The following TRAPPC9 variants were observed in gnomAD, a reference collection of about 807,000 sequenced individuals.
The protein encoded by TRAPPC9 is IKK2 binding protein.
Under a neutral mutation model 124.0 loss-of-function variants are expected in TRAPPC9, and 83 were observed. That is an observed-to-expected ratio of 0.67 (90% CI 0.56 to 0.80). The LOEUF (loss-of-function observed/expected upper bound fraction) is 0.80. Among genes scored for constraint, TRAPPC9 ranks in the 30% least tolerant of loss-of-function variants. The pLI, the probability that TRAPPC9 is intolerant of heterozygous loss-of-function variation, is 0.00. For missense variants in TRAPPC9, 1,302 were observed against 1,508.3 expected (o/e 0.86, Z 2.27); for synonymous variants, 638 against 617.5 (o/e 1.03, Z -0.49).
intron 19 of TRAPPC9, among the ~76,000 whole-genome samples, chr8:139,960,995 A>C (rs1471987955): frequency 8.0e-6 from 1 of 125,310 alleles, no homozygotes; most frequent in Non-Finnish European, 1.9e-5. Flanking sequence ...AAGCAAACAA[A>C]TAACAAAACA....
chr8:140,026,792 C>G (rs1302883441), intron 17 of TRAPPC9, among the ~76,000 whole-genome samples: 1 of 152,190 alleles, frequency 6.6e-6, no homozygotes, highest in African/African-American at 2.4e-5. Context: ...TGATTCTCTC[C>G]ACCTATGTAA....
At chr8:140,125,002 G>A (rs1357042534) in intron 17 of TRAPPC9, among the ~76,000 whole-genome samples, 1 of 152,218 alleles carries the variant, frequency 6.6e-6, no homozygotes. Flanking sequence ...GGGTGTCACT[G>A]TCCCCCAACC....
chr8:139,762,811 G>C (rs139949234), intron 21 of TRAPPC9, among the ~76,000 whole-genome samples: 25 of 152,266 alleles, frequency 1.6e-4, no homozygotes, highest in African/African-American at 5.8e-4. Context: ...TCTCAGCTGC[G>C]GGACCTTCAG....
At chr8:140,152,462 G>A (rs563000350) in intron 17 of TRAPPC9, among the ~76,000 whole-genome samples, 11 of 145,316 alleles carry the variant, frequency 7.6e-5, no homozygotes, top group African/African-American at 1.5e-4. Flanking sequence ...CCAGGTTCAC[G>A]CCATTCTCCT....
chr8:140,045,355 GT>G (rs1274676290), intron 17 of TRAPPC9, among the ~76,000 whole-genome samples: 3 of 152,176 alleles, frequency 2.0e-5, no homozygotes, highest in Non-Finnish European at 2.9e-5. Flanking sequence ...GCCAGGTGCG[GT>G]GGCTCATGCC....
At chr8:140,005,413 A>C (rs916269167) in intron 18 of TRAPPC9, among the ~76,000 whole-genome samples, 3 of 152,202 alleles carry the variant, frequency 2.0e-5, no homozygotes, top group African/African-American at 7.2e-5. Context: ...GGCACCAGTC[A>C]GGGAAGGTTC....
chr8:139,783,865 A>G (rs1822000260), intron 21 of TRAPPC9, among the ~76,000 whole-genome samples: 1 of 152,232 alleles, frequency 6.6e-6, no homozygotes, highest in East Asian at 1.9e-4. Flanking sequence ...GTAATTCACC[A>G]TATTAACAAA....
intron 20 of TRAPPC9, among the ~76,000 whole-genome samples, chr8:139,900,215 G>T (rs1037568651): frequency 2.6e-5 from 4 of 152,176 alleles, no homozygotes; most frequent in Admixed American, 1.3e-4. Context: ...TGTGTGCCTG[G>T]GTCCTCACTT....
At chr8:140,183,923 A>G (rs1342069629) in intron 17 of TRAPPC9, among the ~76,000 whole-genome samples, 14 of 36,984 alleles carry the variant, frequency 3.8e-4, no homozygotes, top group Non-Finnish European at 5.6e-4. Flanking sequence ...AGAGGAGAGG[A>G]GAGGAGAGGA....
intron 17 of TRAPPC9, among the ~76,000 whole-genome samples, chr8:140,105,126 C>A (rs1042078283): frequency 1.3e-5 from 2 of 152,206 alleles, no homozygotes; most frequent in African/African-American, 4.8e-5. Flanking sequence ...CCCTTTCCAA[C>A]CCCAGCTCAT....
At chr8:139,784,633 ATATATATATAT>A (rs1563810562) in intron 21 of TRAPPC9, among the ~76,000 whole-genome samples, 1 of 143,770 alleles carries the variant, frequency 7.0e-6, no homozygotes, top group Non-Finnish European at 1.5e-5. Flanking sequence ...ATATATATAT[ATATATATATAT>A]AAATCAACTG....
chr8:140,173,328 G>A (rs1309466409), intron 17 of TRAPPC9, among the ~76,000 whole-genome samples: 1 of 152,170 alleles, frequency 6.6e-6, no homozygotes, highest in African/African-American at 2.4e-5. Context: ...GCCGAGGCAG[G>A]AGGATCACGA....
chr8:140,297,170 A>G (rs2065827442), intron 11 of TRAPPC9, among the ~76,000 whole-genome samples: 1 of 138,820 alleles, frequency 7.2e-6, no homozygotes, highest in South Asian at 2.2e-4. Flanking sequence ...CTGCCTGTTC[A>G]TCCACCACGT....
At chr8:139,751,654 C>T (rs1819314181) in intron 21 of TRAPPC9, among the ~76,000 whole-genome samples, 1 of 152,150 alleles carries the variant, frequency 6.6e-6, no homozygotes, top group Admixed American at 6.5e-5. Context: ...TCTGCCTCCA[C>T]AAACTCAAAA....
intron 17 of TRAPPC9, among the ~76,000 whole-genome samples, chr8:140,215,132 C>T (rs1258313594): frequency 6.6e-6 from 1 of 152,136 alleles, no homozygotes; most frequent in Non-Finnish European, 1.5e-5. Flanking sequence ...CCTCGACAAC[C>T]AGAAAATGCC....
intron 8 of TRAPPC9, among the ~76,000 whole-genome samples, chr8:140,370,273 G>A (rs1274381350): frequency 6.6e-6 from 1 of 151,966 alleles, no homozygotes; most frequent in African/African-American, 2.4e-5. Context: ...CTGAGTAGCT[G>A]GGACTACAAG....
At chr8:140,185,288 G>A (rs1345623572) in intron 17 of TRAPPC9, among the ~76,000 whole-genome samples, 1 of 152,206 alleles carries the variant, frequency 6.6e-6, no homozygotes, top group Non-Finnish European at 1.5e-5. Flanking sequence ...CGCACGTGGA[G>A]TCAGAGAACT....
At chr8:140,441,508 T>A (rs1182550129) in intron 2 of TRAPPC9, among the ~76,000 whole-genome samples, 2 of 152,218 alleles carry the variant, frequency 1.3e-5, no homozygotes, top group African/African-American at 4.8e-5. Flanking sequence ...TAGAAAAGAT[T>A]TGCTTTAAAG....
intron 9 of TRAPPC9, among the ~76,000 whole-genome samples, chr8:140,313,991 G>A (rs533301824): frequency 4.6e-5 from 7 of 152,258 alleles, no homozygotes; most frequent in African/African-American, 1.7e-4. Flanking sequence ...GGATTCAAGT[G>A]TCGGCTATAA....
Sources: allele counts gnomAD v4.1 joint callset (sites outside exome capture counted in the v4.1 genomes callset), GRCh38; gene constraint gnomAD v4.1.1; transcripts MANE v1.5; gene names NCBI Gene and HGNC (gene_info 2026-07-23, HGNC 2026-07-21).